The following SYNE1 variants were observed in gnomAD, a reference collection of about 807,000 sequenced individuals.
SYNE1 encodes spectrin repeat containing nuclear envelope protein 1.
SYNE1 carries 616 observed loss-of-function variants against 1,111.0 expected under a neutral mutation model. That is an observed-to-expected ratio of 0.55 (90% confidence interval 0.52 to 0.59). The LOEUF is 0.59. SYNE1 is among the 20% of genes least tolerant of loss of function. The probability of loss-of-function intolerance (pLI) is 0.00; values close to 1 mark genes in which losing one functional copy is unlikely to be tolerated. For synonymous variants in SYNE1, 3,855 were observed against 3,825.8 expected, an observed-to-expected ratio of 1.01 and a Z score of -0.28; for missense variants, 10,006 against 10,417.0, an observed-to-expected ratio of 0.96 and a Z score of 1.72.
At chr6:152,164,781 T>C (rs2063274283) in intron 130 of SYNE1, among the ~76,000 whole-genome samples, 1 of 152,206 alleles carries the variant, frequency 6.6e-6, no homozygotes, top group Admixed American at 6.5e-5. Context: ...AGTGCCCTTA[T>C]TTAAAAATTG....
intron 3 of SYNE1, among the ~76,000 whole-genome samples, chr6:152,614,073 T>C (rs146052114): frequency 0.012 from 1,819 of 152,274 alleles, 30 homozygotes; most frequent in African/African-American, 0.041. Context: ...GACATAGGCA[T>C]GGGCAAGGAC....
In SYNE1 at chr6:152,353,351, C is replaced by A; in HGVS notation, c.11165G>T (p.Gly3722Val). ...ATTCTTGAAGTTTTTATGAGTAGAG[C>A]CATACCAATCAGAATAGGAACTGAG... ...SSLSSYSDWY[G>V]STHKNFKNVA... is the part of the protein sequence containing the mutation. Residue 3722 changes from glycine (G) to valine (V), a missense_variant, in exon 69 of 146, where the codon GGC becomes GTC. Physicochemically the swap from Gly to Val is moderately radical, Grantham distance 109. This residue lies in a region of SYNE1 where 4,955 missense variants were observed against 5,017.2 expected (regional missense o/e 0.99). Coordinates refer to ENST00000367255, the MANE Select transcript of SYNE1 (RefSeq NM_182961.4). The A allele has an allele frequency of 6.2e-7, 1 of 1,614,076 alleles. No individual in the cohort carries two copies. The highest frequency in any genetic ancestry group is 8.5e-7 in the Non-Finnish European group (1 of 1,179,994).
intron 96 of SYNE1, among the ~76,000 whole-genome samples, chr6:152,282,396 C>T (rs139260325): frequency 5.3e-5 from 8 of 152,216 alleles, no homozygotes; most frequent in Admixed American, 2.0e-4. Context: ...GAAAAACATG[C>T]GGCCTGTCTA....
intron 75 of SYNE1, among the ~76,000 whole-genome samples, chr6:152,337,508 C>T (rs2096426645): frequency 6.6e-6 from 1 of 152,162 alleles, no homozygotes; most frequent in African/African-American, 2.4e-5. Context: ...AGGCTGGTCT[C>T]GAACTCCCAA....
intron 4 of SYNE1, among the ~76,000 whole-genome samples, chr6:152,534,203 A>G (rs2099221882): frequency 8.2e-6 from 1 of 121,296 alleles, no homozygotes; most frequent in Non-Finnish European, 1.9e-5. Flanking sequence ...TGAATGAATG[A>G]ATAAATAAAT....
chr6:152,442,069 T>C lies in SYNE1; in HGVS notation c.4008+6A>G, dbSNP rs1170341516. 3 of 1,613,920 alleles carry C rather than the reference T, an allele frequency of 1.9e-6. No individual in the cohort carries two copies. Among genetic ancestry groups the C allele is most frequent in the Non-Finnish European group, 2.5e-6 (3 of 1,180,038 alleles). Reference sequence around the variant, plus strand: ...GTTTAAATGGCCCCTAACTTCCGGCTCCTACCTGGATGCGGCGTTCCTGCC... The same window carrying C: ...GTTTAAATGGCCCCTAACTTCCGGCCCCTACCTGGATGCGGCGTTCCTGCC... On this transcript the variant is annotated splice_donor_region_variant and intron_variant, in intron 31 of 145. Coordinates refer to ENST00000367255, the MANE Select transcript of SYNE1 (RefSeq NM_182961.4).
intron 14 of SYNE1, 95 bp downstream of exon 14, chr6:152,482,990 T>TG: frequency 7.3e-7 from 1 of 1,365,874 alleles, no homozygotes; most frequent in Non-Finnish European, 1.0e-6. Context: ...AATTAATATT[T>TG]GGGGCGTCCC....
At chr6:152,325,899 G>A (rs1397549394) in intron 80 of SYNE1, 59 bp downstream of exon 80, 1 of 1,589,620 alleles carries the variant, frequency 6.3e-7, no homozygotes, top group Non-Finnish European at 8.6e-7. Context: ...TGATCATGTT[G>A]CAAAGACTCA....
chr6:152,409,706 C>T lies in SYNE1; in HGVS notation c.6234G>A (p.Gln2078=), dbSNP rs140418114. 4 of 1,613,362 alleles carry T rather than the reference C, an allele frequency of 2.5e-6. No individual in the cohort carries two copies. The highest frequency in any genetic ancestry group is 3.4e-6 in the Non-Finnish European group (4 of 1,179,918). Residue 2078 remains glutamine (Q), a synonymous_variant, in exon 43 of 146, where the codon CAG becomes CAA. Transcript: ENST00000367255. The stretch of plus-strand genomic sequence containing the variant: ...AGTCAATAAGTCCACAGCACTGACC[C>T]TGACTGTAATGATTAAAGAAAATAT... The part of the protein sequence containing the change: ...DDTKRLIHEN[Q]GQCCGLIDLM...
intron 107 of SYNE1, among the ~76,000 whole-genome samples, chr6:152,240,883 A>T (rs1182662069): frequency 1.3e-5 from 2 of 152,210 alleles, no homozygotes; most frequent in African/African-American, 4.8e-5. Flanking sequence ...TCTCCCTCAG[A>T]AAATGGGCTG....
intron 3 of SYNE1, among the ~76,000 whole-genome samples, chr6:152,572,218 G>A (rs1231477603): frequency 6.6e-6 from 1 of 152,136 alleles, no homozygotes; most frequent in Non-Finnish European, 1.5e-5. Context: ...TGTAACAATT[G>A]AGGTAATGTT....
At position 152,208,108 on chromosome 6, in the gene SYNE1, C is replaced by A. The variant is rs768489386; in HGVS notation, c.22688G>T (p.Arg7563Leu). The change falls in exon 125 of 146, where the codon CGC (arginine) becomes CTC (leucine). Residue 7563 changes from arginine to leucine, a missense_variant. Physicochemically the swap from Arg to Leu is moderately radical, Grantham distance 102. Transcript: ENST00000367255. ...CATCTCCCTATAGCGCTGCCACTGG[C>A]GAATCTGGCTGTCAATGATCCCCCG... ...QRRGIIDSQI[R>L]QWQRYREMAE... is the part of the protein sequence containing the mutation. 1 of 1,614,052 alleles carries A rather than the reference C, an allele frequency of 6.2e-7. No individual in the cohort carries two copies. The highest frequency in any genetic ancestry group is 2.2e-5 in the East Asian group (1 of 44,852).
chr6:152,176,333 G>C, intron 130 of SYNE1, 61 bp downstream of exon 130: 1 of 1,603,668 alleles, frequency 6.2e-7, no homozygotes, highest in Non-Finnish European at 8.5e-7. Context: ...CTGATGAAAG[G>C]CAGACTGAAA....
At chr6:152,579,736 G>A (rs1252066008) in intron 3 of SYNE1, among the ~76,000 whole-genome samples, 2 of 152,068 alleles carry the variant, frequency 1.3e-5, no homozygotes. Flanking sequence ...ATATGCACTC[G>A]ATGTTTAGCT....
At chr6:152,133,186 A>C in intron 143 of SYNE1, 90 bp downstream of exon 143, 1 of 1,197,420 alleles carries the variant, frequency 8.4e-7, no homozygotes, top group Non-Finnish European at 1.2e-6. Flanking sequence ...GACAAGTACT[A>C]TATTTAAAGT....
intron 3 of SYNE1, among the ~76,000 whole-genome samples, chr6:152,540,296 T>C (rs2099263211): frequency 6.6e-6 from 1 of 152,218 alleles, no homozygotes. Context: ...TGATGACTTA[T>C]ACTTCAACAA....
Position 152,281,869 on chromosome 6 carries a change from C to T in SYNE1, c.18319G>A (p.Asp6107Asn). 2 of 1,614,190 alleles carry T rather than the reference C, an allele frequency of 1.2e-6. No individual in the cohort carries two copies. The highest frequency in any genetic ancestry group is 1.7e-6 in the Non-Finnish European group (2 of 1,180,038). ...SWLLSTKATL[D>N]TALSPPKEPM... ...TCCTTGGGTGGACTCAGCGCAGTGT[C>T]CAGAGTGGCCTTGGTACTCAAGAGC... Residue 6107 changes from aspartate to asparagine, a missense_variant, in exon 97 of 146, where the codon GAC (aspartate) becomes AAC (asparagine). Around this residue, in one of 7 missense-constraint regions of SYNE1, gnomAD observed 99 missense variants for 147.8 expected, o/e 0.67. Transcript: ENST00000367255.
At position 152,331,307 on chromosome 6, in the gene SYNE1, T is replaced by C. The variant is rs1401022224; in HGVS notation, c.13378A>G (p.Met4460Val). Residue 4460 changes from methionine (M) to valine (V), a missense_variant, in exon 78 of 146, where the codon ATG (methionine) becomes GTG (valine). Physicochemically the swap from Met to Val is conservative, Grantham distance 21. Transcript: ENST00000367255. ...TGGCTGGTGGCCTGGAACACTGCCA[T>C]GAGAAACTGGGTTTTCTCGGACAAG... ...KALSEKTQFL[M>V]AVFQATSQIQ... 2 of 1,614,176 alleles carry C rather than the reference T, an allele frequency of 1.2e-6. No individual in the cohort carries two copies. Among genetic ancestry groups the C allele is most frequent in the South Asian group, 2.2e-5 (2 of 91,074 alleles).
At chr6:152,380,105 A>G (rs2097376139) in intron 56 of SYNE1, among the ~76,000 whole-genome samples, 1 of 152,258 alleles carries the variant, frequency 6.6e-6, no homozygotes. Flanking sequence ...CATTATAAAT[A>G]GAGTAGCATA....
Sources: allele counts gnomAD v4.1 joint callset (sites outside exome capture counted in the v4.1 genomes callset), GRCh38; gene constraint gnomAD v4.1.1; regional missense constraint gnomAD v4.1.1; transcripts MANE v1.5; gene names NCBI Gene and HGNC (gene_info 2026-07-23, HGNC 2026-07-21).